Variants in THADA observed in about 807,000 individuals in gnomAD.
THADA encodes the protein THADA armadillo repeat containing.
A neutral mutation model predicts 219.8 loss-of-function variants in THADA; 213 were observed. The observed-to-expected ratio is 0.97, with a 90% CI of 0.87 to 1.09. The LOEUF (loss-of-function observed/expected upper bound fraction) is 1.09, where lower values mean the gene tolerates loss of function less well. Ranked by LOEUF, THADA falls within the 50% of genes least tolerant of loss-of-function variation. THADA has a pLI of 0.00. For missense variants in THADA, 2,956 were observed against 2,311.3 expected (o/e 1.28, Z -5.72); for synonymous variants, 1,018 against 828.9 (o/e 1.23, Z -3.92).
intron 26 of THADA, among the ~76,000 whole-genome samples, chr2:43,475,066 A>G (rs944298145): frequency 6.6e-6 from 1 of 152,228 alleles, no homozygotes; most frequent in Non-Finnish European, 1.5e-5. Context: ...TTCAGAGACC[A>G]AGAAGTTACA....
chr2:43,507,910 T>C (rs1036641565), intron 23 of THADA, among the ~76,000 whole-genome samples: 6 of 152,188 alleles, frequency 3.9e-5, no homozygotes, highest in Non-Finnish European at 8.8e-5. Context: ...ATCTTTAAGG[T>C]ATAATACTAA....
At chr2:43,235,617 T>G (rs1209816416) in intron 36 of THADA, among the ~76,000 whole-genome samples, 1 of 152,078 alleles carries the variant, frequency 6.6e-6, no homozygotes, top group Non-Finnish European at 1.5e-5. Flanking sequence ...TATGGTCTCC[T>G]TAAGGCAAGG....
At chr2:43,384,458 A>G (rs1399355416) in intron 29 of THADA, among the ~76,000 whole-genome samples, 1 of 152,094 alleles carries the variant, frequency 6.6e-6, no homozygotes, top group Non-Finnish European at 1.5e-5. Context: ...TTTCTAATTT[A>G]CTCTAAGAGT....
intron 22 of THADA, among the ~76,000 whole-genome samples, chr2:43,518,923 T>C (rs76851696): frequency 0.12 from 17,906 of 152,036 alleles, 1,225 homozygotes; most frequent in African/African-American, 0.19. Flanking sequence ...TCTGCTAATC[T>C]CCTGACCTGT....
rs1181680289 is a variant in THADA, at chr2:43,261,216, CTTTTTT to C, written c.5296+18543_5296+18548del. On this transcript the variant is annotated intron_variant, in intron 36 of 37. Transcript: ENST00000405975. The stretch of plus-strand genomic sequence containing the variant: ...TTGCCTGAAATAAATTTGTGCATTT[CTTTTTT>C]TTTTTTTTTTTTTTTTTTTGAGAAG... 9.1e-3 allele frequency among the ~76,000 whole-genome samples: 701 copies of C among 77,144 alleles called. 2 individuals are homozygous for C. Among genetic ancestry groups the C allele is most frequent in the African/African-American group, 0.034 (633 of 18,824 alleles). The allele number at this position is 77,144 out of a possible 152,430, so 50.6% of individuals were successfully genotyped here.
chr2:43,498,722 T>A, intron 25 of THADA, 111 bp downstream of exon 25: 1 of 1,184,254 alleles, frequency 8.4e-7, no homozygotes, highest in Non-Finnish European at 1.1e-6. Context: ...TCTAAGAAAA[T>A]TCATGGTAAA....
chr2:43,342,492 ACTTC>A (rs1200870663), intron 30 of THADA, among the ~76,000 whole-genome samples: 1 of 152,154 alleles, frequency 6.6e-6, no homozygotes, highest in African/African-American at 2.4e-5. Flanking sequence ...CAGAGGGCTA[ACTTC>A]CTTATGGTTC....
intron 25 of THADA, among the ~76,000 whole-genome samples, chr2:43,496,390 C>G (rs555221426): frequency 6.6e-6 from 1 of 152,314 alleles, no homozygotes; most frequent in Admixed American, 6.5e-5. Context: ...TGCTTCTGGA[C>G]AGTGAACATA....
At chr2:43,415,639 T>C (rs1676851513) in intron 28 of THADA, among the ~76,000 whole-genome samples, 1 of 152,156 alleles carries the variant, frequency 6.6e-6, no homozygotes, top group African/African-American at 2.4e-5. Context: ...TTACAAAATC[T>C]AGAGCCTGGG....
chr2:43,430,286 A>T lies in THADA; in HGVS notation c.3853T>A (p.Phe1285Ile). The change falls in exon 27 of 38, where the codon TTT becomes ATT. Residue 1285 changes from phenylalanine (F) to isoleucine (I), a missense_variant. Phe to Ile is a conservative substitution (Grantham distance 21, BLOSUM62 0). Transcript: ENST00000405975. ...TAGAGTTCTGGGAAACGAGAGAAAAACTCTCTCCCTGTCATTCTGTGAAAG... is the reference window on the plus strand; with the variant it reads ...TAGAGTTCTGGGAAACGAGAGAAAATCTCTCTCCCTGTCATTCTGTGAAAG... ...SKTNRMTGRE[F>I]FSRFPELYPF... 1 of 1,546,846 alleles carries T rather than the reference A, an allele frequency of 6.5e-7. No homozygotes were observed. The highest frequency in any genetic ancestry group is 8.7e-7 in the Non-Finnish European group (1 of 1,144,686).
intron 26 of THADA, among the ~76,000 whole-genome samples, chr2:43,432,450 G>A (rs1254511734): frequency 2.0e-5 from 3 of 151,120 alleles, no homozygotes. Flanking sequence ...GACAGGCATG[G>A]GTTCTTTACC....
intron 36 of THADA, among the ~76,000 whole-genome samples, chr2:43,277,616 G>C (rs1252923536): frequency 1.3e-5 from 2 of 151,922 alleles, no homozygotes; most frequent in African/African-American, 4.8e-5. Flanking sequence ...AGATCTCAGA[G>C]GTGTGGAGCT....
At chr2:43,475,847 CAT>C (rs1177853272) in intron 26 of THADA, among the ~76,000 whole-genome samples, 2 of 152,186 alleles carry the variant, frequency 1.3e-5, no homozygotes, top group African/African-American at 2.4e-5. Context: ...AAAAGAAAAA[CAT>C]ATTTTCCTAT....
intron 26 of THADA, among the ~76,000 whole-genome samples, chr2:43,435,050 C>T (rs1434710758): frequency 3.3e-5 from 5 of 152,226 alleles, no homozygotes; most frequent in African/African-American, 1.2e-4. Flanking sequence ...CATCACACAC[C>T]TTGTGAGGGG....
chr2:43,409,103 G>A (rs1159186095), intron 28 of THADA, among the ~76,000 whole-genome samples: 1 of 152,134 alleles, frequency 6.6e-6, no homozygotes, highest in African/African-American at 2.4e-5. Flanking sequence ...CATCTACAGA[G>A]GGTTAAATGA....
intron 31 of THADA, among the ~76,000 whole-genome samples, chr2:43,301,727 A>G (rs548375825): frequency 2.6e-5 from 4 of 152,196 alleles, no homozygotes; most frequent in Non-Finnish European, 5.9e-5. Flanking sequence ...ACTTGACCAC[A>G]TCTCTGGGGT....
In THADA at chr2:43,493,324, G is replaced by A. The variant is rs533448136; in HGVS notation, c.3744+5509C>T. On this transcript the variant is annotated intron_variant, in intron 25 of 37. Transcript: ENST00000405975. Reference sequence around the variant, plus strand: ...ATTCTAGCCAACATGGTGAAACCCCGTCTCTACTAAAAATACAAGAATTAG... The same window carrying A: ...ATTCTAGCCAACATGGTGAAACCCCATCTCTACTAAAAATACAAGAATTAG... Among the ~76,000 whole-genome samples the A allele has an allele frequency of 5.9e-5, 9 of 152,096 alleles. No homozygotes were observed. In the South Asian group the frequency reaches 6.2e-4, roughly 11 times the overall value.
intron 15 of THADA, 21 bp downstream of exon 15, chr2:43,566,677 C>T (rs1345497017): frequency 4.4e-6 from 7 of 1,608,496 alleles, no homozygotes; most frequent in Middle Eastern, 1.7e-4. Context: ...ATTACTTCCC[C>T]TAACATTATT....
chr2:43,594,234 T>G (rs548076922), intron 1 of THADA, among the ~76,000 whole-genome samples: 1 of 152,300 alleles, frequency 6.6e-6, no homozygotes, highest in African/African-American at 2.4e-5. Context: ...ATTGAATTAC[T>G]TACTCTCTTC....
Sources: gnomAD v4.1 joint callset for allele counts (sites outside exome capture counted in the v4.1 genomes callset) on GRCh38, gnomAD v4.1.1 for gene constraint, MANE v1.5 for transcripts, NCBI Gene and HGNC (gene_info 2026-07-23, HGNC 2026-07-21) for gene names.